BLTP3B: variants seen among roughly 807,000 people sequenced by gnomAD.
BLTP3B encodes the protein UHRF1 (ICBP90) binding protein 1-like.
At chr12:100,109,143 A>T in the BLTP3B span, among the ~76,000 whole-genome samples, 1 of 131,206 alleles carries the variant, frequency 7.6e-6, no homozygotes, top group African/African-American at 2.9e-5. Context: ...ATGATTTAAA[A>T]GTGTCTGGCA....
At chr12:100,085,370 C>G in the BLTP3B span, among the ~76,000 whole-genome samples, 3 of 151,738 alleles carry the variant, frequency 2.0e-5, no homozygotes, top group Non-Finnish European at 4.4e-5. Flanking sequence ...AAAATTTACT[C>G]TATGAATGTT....
the BLTP3B span, among the ~76,000 whole-genome samples, chr12:100,077,907 GTAT>G: frequency 3.1e-3 from 471 of 152,210 alleles, 1 homozygote; most frequent in Non-Finnish European, 4.6e-3. Flanking sequence ...AGCCAATACA[GTAT>G]ATATAGTATA....
the BLTP3B span, among the ~76,000 whole-genome samples, chr12:100,041,993 G>C: frequency 6.6e-6 from 1 of 151,928 alleles, no homozygotes; most frequent in African/African-American, 2.4e-5. Context: ...ATCCACAAAT[G>C]AAAGAAAACA....
chr12:100,105,059 C>A, the BLTP3B span, among the ~76,000 whole-genome samples: 1 of 152,158 alleles, frequency 6.6e-6, no homozygotes, highest in Non-Finnish European at 1.5e-5. Flanking sequence ...AATGACCATA[C>A]TGCCCAAAGC....
chr12:100,044,646 A>G, the BLTP3B span, among the ~76,000 whole-genome samples: 8 of 152,202 alleles, frequency 5.3e-5, no homozygotes, highest in Non-Finnish European at 8.8e-5. Context: ...AAAAGTGCCA[A>G]AAGAAGTGGA....
chr12:100,100,961 CAT>C, the BLTP3B span, among the ~76,000 whole-genome samples: 1 of 151,980 alleles, frequency 6.6e-6, no homozygotes, highest in Non-Finnish European at 1.5e-5. Context: ...TAAATCATCA[CAT>C]GATTAGAAAG....
the BLTP3B span, among the ~76,000 whole-genome samples, chr12:100,081,169 A>G: frequency 6.6e-6 from 1 of 152,264 alleles, no homozygotes; most frequent in African/African-American, 2.4e-5. Flanking sequence ...TCTTTTGTAA[A>G]TTGCCCAGTC....
the BLTP3B span, among the ~76,000 whole-genome samples, chr12:100,100,541 T>A: frequency 6.6e-6 from 1 of 151,602 alleles, no homozygotes; most frequent in Admixed American, 6.6e-5. Flanking sequence ...GAGACCACCA[T>A]CTCTACAAAA....
chr12:100,099,001 T>TA, the BLTP3B span, among the ~76,000 whole-genome samples: 5,558 of 140,756 alleles, frequency 0.039, 132 homozygotes, highest in Non-Finnish European at 0.056. Flanking sequence ...ATTTTATTAT[T>TA]TTTTTTTTCC....
At chr12:100,123,783 CAG>C in the BLTP3B span, among the ~76,000 whole-genome samples, 3 of 151,394 alleles carry the variant, frequency 2.0e-5, no homozygotes, top group African/African-American at 4.9e-5. Flanking sequence ...TCAATTTACA[CAG>C]AGTTTGTCTG....
chr12:100,141,915 G>C, the BLTP3B span, among the ~76,000 whole-genome samples: 3 of 150,766 alleles, frequency 2.0e-5, no homozygotes, highest in Non-Finnish European at 4.4e-5. Flanking sequence ...AGAGGAAAAA[G>C]AGCAAAAACC....
At chr12:100,078,446 A>C in the BLTP3B span, among the ~76,000 whole-genome samples, 1 of 152,106 alleles carries the variant, frequency 6.6e-6, no homozygotes, top group Admixed American at 6.5e-5. Context: ...CTTTACAACA[A>C]CACAAGAACA....
At chr12:100,107,230 G>C in the BLTP3B span, among the ~76,000 whole-genome samples, 1 of 142,664 alleles carries the variant, frequency 7.0e-6, no homozygotes, top group East Asian at 2.2e-4. Flanking sequence ...AGAGGCTGCA[G>C]TGAGCCAAGA....
At chr12:100,047,097 C>A in the BLTP3B span, among the ~76,000 whole-genome samples, 1 of 152,134 alleles carries the variant, frequency 6.6e-6, no homozygotes, top group Non-Finnish European at 1.5e-5. Context: ...GTCCCTCAAT[C>A]TTCCACTACT....
At chr12:100,124,114 T>C in the BLTP3B span, among the ~76,000 whole-genome samples, 1 of 151,850 alleles carries the variant, frequency 6.6e-6, no homozygotes, top group South Asian at 2.1e-4. Context: ...GAATTTTTTT[T>C]TTTTTTTTAA....
At chr12:100,079,460 G>A in the BLTP3B span, among the ~76,000 whole-genome samples, 3 of 152,192 alleles carry the variant, frequency 2.0e-5, no homozygotes, top group African/African-American at 7.2e-5. Context: ...CTAGAGATCT[G>A]TGGAACTCTG....
chr12:100,057,921 T>C, the BLTP3B span: 4 of 1,343,582 alleles, frequency 3.0e-6, no homozygotes, highest in Non-Finnish European at 4.0e-6. Context: ...ATGTTAACAA[T>C]GCCATATTTT....
chr12:100,119,182 C>G, the BLTP3B span, among the ~76,000 whole-genome samples: 43,149 of 152,022 alleles, frequency 0.28, 8,935 homozygotes, highest in African/African-American at 0.59. Flanking sequence ...ATATTTTAAA[C>G]TACCATTAAC....
chr12:100,074,530 C>T, the BLTP3B span, among the ~76,000 whole-genome samples: 5 of 149,416 alleles, frequency 3.3e-5, no homozygotes, highest in East Asian at 2.0e-4. Flanking sequence ...ACTCGGGAGA[C>T]GGAGGTTGTA....
Sources: allele counts gnomAD v4.1 joint callset (sites outside exome capture counted in the v4.1 genomes callset), GRCh38; gene constraint gnomAD v4.1.1; transcripts MANE v1.5; gene names NCBI Gene and HGNC (gene_info 2026-07-23, HGNC 2026-07-21).